The following ITPK1 variants were observed in gnomAD, a reference collection of about 807,000 sequenced individuals.
The protein encoded by ITPK1 is inositol 1,3,4-trisphosphate 5/6-kinase.
A neutral mutation model predicts 45.3 loss-of-function variants in ITPK1; 21 were observed. That is an observed-to-expected ratio of 0.46 (90% CI 0.33 to 0.67). The LOEUF is 0.67. ITPK1 is among the 30% of genes least tolerant of loss of function. The pLI, the probability that ITPK1 is intolerant of heterozygous loss-of-function variation, is 0.02. For missense variants in ITPK1, 474 were observed against 573.5 expected, an observed-to-expected ratio of 0.83 and a Z score of 1.77; for synonymous variants, 258 against 253.6, an observed-to-expected ratio of 1.02 and a Z score of -0.16.
chr14:93,098,650 A>G (rs1239172941), intron 2 of ITPK1, among the ~76,000 whole-genome samples: 1 of 152,140 alleles, frequency 6.6e-6, no homozygotes, highest in African/African-American at 2.4e-5. Context: ...AATAGAGACC[A>G]TGGTGCAGGG....
intron 3 of ITPK1, among the ~76,000 whole-genome samples, chr14:93,025,248 A>G (rs1001839101): frequency 6.6e-6 from 1 of 152,154 alleles, no homozygotes; most frequent in African/African-American, 2.4e-5. Context: ...CAACCCGGAA[A>G]TCAAGAGCAG....
At chr14:93,057,629 C>G (rs530901776) in intron 3 of ITPK1, among the ~76,000 whole-genome samples, 1 of 152,356 alleles carries the variant, frequency 6.6e-6, no homozygotes, top group Non-Finnish European at 1.5e-5. Context: ...TGAAACGGGA[C>G]CCATGAGATC....
intron 7 of ITPK1, among the ~76,000 whole-genome samples, chr14:92,961,598 A>G (rs950062473): frequency 1.3e-5 from 2 of 152,164 alleles, no homozygotes; most frequent in Non-Finnish European, 2.9e-5. Flanking sequence ...AACAGCCCTC[A>G]TGTGGGCCCA....
intron 3 of ITPK1, among the ~76,000 whole-genome samples, chr14:93,019,937 C>A (rs1888385657): frequency 6.6e-6 from 1 of 152,192 alleles, no homozygotes; most frequent in Non-Finnish European, 1.5e-5. Context: ...TTCCCAGGGA[C>A]TTCTTGTTCT....
intron 5 of ITPK1, among the ~76,000 whole-genome samples, chr14:92,976,630 C>A (rs1019720231): frequency 6.6e-6 from 1 of 152,232 alleles, no homozygotes; most frequent in African/African-American, 2.4e-5. Context: ...CAACAATAAC[C>A]AGACAAGCAA....
intron 4 of ITPK1, among the ~76,000 whole-genome samples, chr14:92,994,905 C>T (rs1013561427): frequency 6.6e-6 from 1 of 152,196 alleles, no homozygotes; most frequent in Non-Finnish European, 1.5e-5. Context: ...AGTTAGGACT[C>T]CATATGGGTG....
chr14:93,053,013 A>G (rs1431239339), intron 3 of ITPK1, among the ~76,000 whole-genome samples: 2 of 151,994 alleles, frequency 1.3e-5, no homozygotes, highest in East Asian at 3.9e-4. Context: ...GCATTAGGAG[A>G]TATACCTAAT....
At chr14:93,070,293 T>G (rs1044064779) in intron 3 of ITPK1, 1 of 152,258 alleles carries the variant, frequency 6.6e-6, no homozygotes, top group African/African-American at 2.4e-5. Context: ...TCAGGACTAT[T>G]CCAGAAAGAG....
chr14:92,986,821 C>T (rs763482621), intron 5 of ITPK1, among the ~76,000 whole-genome samples: 4 of 152,178 alleles, frequency 2.6e-5, no homozygotes, highest in African/African-American at 4.8e-5. Context: ...GGGTGCCAGC[C>T]AGTCGCCATG....
rs1887918488 is a variant in ITPK1 at position 93,011,682 on chromosome 14, AG to A, written c.246+4993del. ...GGAGGGGATGCTCAGGACCACATGC[AG>A]GGGCACCTGGGGCTGAGGATGGGCA... On this transcript the variant is annotated intron_variant, in intron 4 of 10. Coordinates refer to ENST00000267615, the MANE Select transcript of ITPK1 (RefSeq NM_014216.6). 5.9e-5 allele frequency among the ~76,000 whole-genome samples: 9 copies of A among 152,250 alleles called. No homozygotes were observed. The South Asian group carries it at 1.9e-3, about 32-fold the overall frequency.
rs542419973 is a variant in ITPK1, at chr14:92,940,027, C to A, written c.*1534G>T. The A allele has an allele frequency of 3.2e-3, 3,149 of 985,838 alleles. 7 individuals carry two copies. Among genetic ancestry groups the A allele is most frequent in the Non-Finnish European group, 3.4e-3 (2,809 of 829,954 alleles). The allele number at this position is 985,838 out of a possible 1,614,324, so 61.1% of individuals were successfully genotyped here. On this transcript the variant is annotated 3_prime_UTR_variant, in exon 11 of 11. Coordinates refer to ENST00000267615, the MANE Select transcript of ITPK1 (RefSeq NM_014216.6). Reference sequence around the variant, plus strand: ...TAAACGTGGTTAGTTGTTGGGTCCTCAGTTTCCAAAAAAGCCGGGCAGTTC... The same window carrying A: ...TAAACGTGGTTAGTTGTTGGGTCCTAAGTTTCCAAAAAAGCCGGGCAGTTC...
intron 5 of ITPK1, among the ~76,000 whole-genome samples, chr14:92,971,838 G>A (rs1430517693): frequency 6.6e-6 from 1 of 152,212 alleles, no homozygotes; most frequent in Non-Finnish European, 1.5e-5. Context: ...CATTCGGAAT[G>A]ACTGAGAATC....
intron 2 of ITPK1, among the ~76,000 whole-genome samples, chr14:93,096,592 C>G (rs915607993): frequency 6.6e-6 from 1 of 152,196 alleles, no homozygotes; most frequent in African/African-American, 2.4e-5. Flanking sequence ...AATCCTGGGT[C>G]TGGATGCAAT....
chr14:93,022,369 C>CA (rs1888513125), intron 3 of ITPK1, among the ~76,000 whole-genome samples: 1 of 152,206 alleles, frequency 6.6e-6, no homozygotes, highest in African/African-American at 2.4e-5. Flanking sequence ...CATGCCACCA[C>CA]AAAGGGCTAG....
rs1888744108 is a variant in ITPK1 at position 93,026,616 on chromosome 14, G to A, written c.121-9815C>T. ...TTCTCGTCCAGGAGTCTCACTTCCA[G>A]GAGCTGATCTCACAGGGTGAACTCA... On this transcript the variant is annotated intron_variant, in intron 3 of 10. Transcript: ENST00000267615. Among the ~76,000 whole-genome samples the A allele has an allele frequency of 3.9e-5, 6 of 152,296 alleles. No individual in the cohort carries two copies. In the South Asian group the frequency reaches 1.2e-3, roughly 32 times the overall value.
At chr14:93,066,341 TAGGGGGCAGAGGC>T in intron 3 of ITPK1, 1 of 332,360 alleles carries the variant, frequency 3.0e-6, no homozygotes, top group Non-Finnish European at 5.8e-6. Flanking sequence ...TGTGTGTGTG[TAGGGGGCAGAGGC>T]GTCTGCTGGG....
At chr14:93,073,514 T>G (rs1891104400) in intron 3 of ITPK1, among the ~76,000 whole-genome samples, 1 of 152,232 alleles carries the variant, frequency 6.6e-6, no homozygotes, top group South Asian at 2.1e-4. Flanking sequence ...ATAAAAGGAC[T>G]GTTACTGTTG....
chr14:93,115,015 G>T (rs1312524183), intron 2 of ITPK1, 54 bp downstream of exon 2: 7 of 1,058,498 alleles, frequency 6.6e-6, no homozygotes, highest in South Asian at 1.4e-5. Flanking sequence ...CGGGCCGGGG[G>T]TCACCGGGCT....
chr14:92,938,494 T>C lies in ITPK1; in HGVS notation c.*3067A>G. 6.2e-7 allele frequency: 1 copy of C among 1,613,384 alleles called. No individual in the cohort carries two copies. Among genetic ancestry groups the C allele is most frequent in the Middle Eastern group, 1.7e-4 (1 of 6,060 alleles). The stretch of plus-strand genomic sequence containing the variant: ...GACAGCTTCCTACTTCAGTCGGTCT[T>C]CCAGCCTTCTATAAAGCACACTTGG... On this transcript the variant is annotated 3_prime_UTR_variant, in exon 11 of 11. Coordinates refer to ENST00000267615, the MANE Select transcript of ITPK1 (RefSeq NM_014216.6).
Sources: gnomAD v4.1 joint callset for allele counts (sites outside exome capture counted in the v4.1 genomes callset) on GRCh38, gnomAD v4.1.1 for gene constraint, MANE v1.5 for transcripts, NCBI Gene and HGNC (gene_info 2026-07-23, HGNC 2026-07-21) for gene names.